NOXRED1: variants seen among roughly 807,000 people sequenced by gnomAD.
The protein encoded by NOXRED1 is NADP dependent oxidoreductase domain containing 1, also known as NADP-dependent oxidoreductase domain-containing protein 1.
A neutral mutation model predicts 30.4 loss-of-function variants in NOXRED1; 20 were observed. The ratio of observed to expected loss-of-function variants is 0.66; its 90% confidence interval spans 0.46 to 0.96. NOXRED1 has a LOEUF of 0.96. Among genes scored for constraint, NOXRED1 ranks in the 40% least tolerant of loss-of-function variants. The probability of loss-of-function intolerance (pLI) is 0.00; values close to 1 mark genes in which losing one functional copy is unlikely to be tolerated. For missense variants in NOXRED1, 374 were observed against 428.0 expected (o/e 0.87, Z 1.11); for synonymous variants, 155 against 168.0 (o/e 0.92, Z 0.60).
chr14:77,424,840 G>C (rs1000003882), upstream of NOXRED1, among the ~76,000 whole-genome samples: 7 of 152,216 alleles, frequency 4.6e-5, no homozygotes, highest in Admixed American at 4.6e-4. Context: ...TTCTATGCAA[G>C]ATCAGGAGGG....
At chr14:77,401,830 G>T (rs917236880) in intron 5 of NOXRED1, among the ~76,000 whole-genome samples, 1 of 152,196 alleles carries the variant, frequency 6.6e-6, no homozygotes, top group Non-Finnish European at 1.5e-5. Flanking sequence ...TGCAGTATTG[G>T]TGAAAGACAA....
At chr14:77,418,634 A>G (rs1894900003) in intron 1 of NOXRED1, among the ~76,000 whole-genome samples, 1 of 151,946 alleles carries the variant, frequency 6.6e-6, no homozygotes, top group African/African-American at 2.4e-5. Context: ...GGCTCAAGCA[A>G]TCCTCCCACA....
chr14:77,398,516 TC>T (rs1894243248), intron 5 of NOXRED1, among the ~76,000 whole-genome samples: 1 of 151,922 alleles, frequency 6.6e-6, no homozygotes, highest in African/African-American at 2.4e-5. Context: ...GCTCCTCAAC[TC>T]CAGCCCACTT....
intron 2 of NOXRED1, among the ~76,000 whole-genome samples, chr14:77,412,856 T>TA (rs200974524): frequency 2.0e-4 from 29 of 147,502 alleles, no homozygotes; most frequent in East Asian, 6.0e-4. Context: ...ATACATTATG[T>TA]AAAAAAAAAC....
Position 77,414,106 on chromosome 14 carries a change from T to C in NOXRED1, c.177A>G (p.Gln59=). The C allele has an allele frequency of 6.3e-7, 1 of 1,596,072 alleles. No homozygotes were observed. Residue 59 remains glutamine (Q), a synonymous_variant, in exon 2 of 6, where the codon CAA becomes CAG. Coordinates refer to ENST00000380835, the MANE Select transcript of NOXRED1 (RefSeq NM_001113475.3). ...AGCCAATTGAGAGATGTCTGGAACT[T>C]TGATTCTTATTTAATGATGCTCTGG... ...YNLRASLNKN[Q]SSRHLSIGSL...
intron 5 of NOXRED1, among the ~76,000 whole-genome samples, chr14:77,404,982 C>T (rs368622601): frequency 1.2e-4 from 18 of 152,006 alleles, no homozygotes; most frequent in East Asian, 1.2e-3. Flanking sequence ...AAACAAGTAC[C>T]ACATTTTTTA....
At chr14:77,424,768 ACTGCAATTTCCAGAATGTCCTTCC>A (rs897839300), upstream of NOXRED1, among the ~76,000 whole-genome samples, 1 of 152,214 alleles carries the variant, frequency 6.6e-6, no homozygotes, top group Non-Finnish European at 1.5e-5. Flanking sequence ...GCTAGGCTGA[ACTGCAATTTCCAGAATGTCCTTCC>A]CTGTATGTTT....
intron 1 of NOXRED1, among the ~76,000 whole-genome samples, chr14:77,422,446 T>C (rs1594884065): frequency 6.6e-6 from 1 of 152,326 alleles, no homozygotes; most frequent in Middle Eastern, 3.4e-3. Context: ...GAGGGCAAGC[T>C]GGTGGTCATG....
At position 77,406,623 on chromosome 14, in the gene NOXRED1, A is replaced by ACACACC. The variant is rs1555362862; in HGVS notation, c.682+100_682+101insGGTGTG. ...CACACACACACACACACACACACAC[A>ACACACC]CACACACACACAGAGAGAGAGAGAT... On this transcript the variant is annotated intron_variant, in intron 4 of 5. Transcript: ENST00000380835. 2.2e-4 allele frequency: 140 copies of ACACACC among 630,542 alleles called. 1 individual carries two copies. In the African/African-American group the frequency reaches 3.1e-3, roughly 14 times the overall value. The allele number at this position is 630,542 out of a possible 1,614,324, so 39.1% of individuals were successfully genotyped here.
chr14:77,407,368 T>C (rs1894495913), intron 3 of NOXRED1, 97 bp downstream of exon 3: 1 of 859,708 alleles, frequency 1.2e-6, no homozygotes, highest in Non-Finnish European at 1.9e-6. Context: ...AACAACCAAC[T>C]CTAAGAGATA....
chr14:77,396,294 G>A (rs1365567757), intron 5 of NOXRED1, among the ~76,000 whole-genome samples: 5 of 135,802 alleles, frequency 3.7e-5, no homozygotes, highest in Admixed American at 1.6e-4. Context: ...TTGTTGCCCA[G>A]GCTGCAGTGC....
At chr14:77,407,394 G>A (rs1594873209) in intron 3 of NOXRED1, 71 bp downstream of exon 3, 2 of 1,098,700 alleles carry the variant, frequency 1.8e-6, no homozygotes, top group East Asian at 2.4e-5. Context: ...TACAGTGGAG[G>A]TGGGAGGCAG....
Position 77,406,773 on chromosome 14 carries a change from AG to A in NOXRED1, c.632del (p.Ala211ValfsTer20), listed in dbSNP as rs1233941401. The A allele has an allele frequency of 3.7e-6, 6 of 1,614,048 alleles. No individual in the cohort carries two copies. Among genetic ancestry groups the A allele is most frequent in the Non-Finnish European group, 3.4e-6 (4 of 1,179,894 alleles). On this transcript the variant is annotated frameshift_variant, in exon 4 of 6. Coordinates refer to ENST00000380835, the MANE Select transcript of NOXRED1 (RefSeq NM_001113475.3). LOFTEE classifies it high-confidence loss of function. ...VWGANKGVIA[A>X]LQDPTILQAT... ...CTTGAAGAATCGTAGGATCTTGGAG[AG>A]CAGCTATGACTCCCTTATTGGCCCC...
In NOXRED1 at chr14:77,414,092, A is replaced by G. The variant is rs757228741; in HGVS notation, c.191T>C (p.Leu64Pro). Residue 64 changes from leucine (L) to proline (P), a missense_variant, in exon 2 of 6, where the codon CTC becomes CCC. Leu to Pro is a moderately conservative substitution (Grantham distance 98). Transcript: ENST00000380835. ...GGCTGAATTAAGGGAGCCAATTGAGAGATGTCTGGAACTTTGATTCTTATT... is the reference window on the plus strand; with the variant it reads ...GGCTGAATTAAGGGAGCCAATTGAGGGATGTCTGGAACTTTGATTCTTATT... ...SLNKNQSSRH[L>P]SIGSLNSATP... The G allele has an allele frequency of 6.2e-6, 10 of 1,603,484 alleles. No homozygotes were observed. Among genetic ancestry groups the G allele is most frequent in the East Asian group, 2.2e-5 (1 of 44,502 alleles).
chr14:77,405,958 G>A lies in NOXRED1; in HGVS notation c.860C>T (p.Thr287Ile). 6.2e-7 allele frequency: 1 copy of A among 1,613,726 alleles called. No individual in the cohort carries two copies. Among genetic ancestry groups the A allele is most frequent in the South Asian group, 1.1e-5 (1 of 91,064 alleles). ...DTASCPKLQL[T>I]DFVSKAYGKN... is the part of the protein sequence containing the mutation. The stretch of plus-strand genomic sequence containing the variant: ...GCCATAGGCTTTGCTGACAAAATCT[G>A]TTAATTGCAACTTTGGGCAAGATGC... Residue 287 changes from threonine to isoleucine, a missense_variant, in exon 5 of 6, where the codon ACA becomes ATA. Transcript: ENST00000380835.
In NOXRED1 at chr14:77,394,720, C is replaced by A; in HGVS notation, c.991G>T (p.Asp331Tyr). The change falls in exon 6 of 6, where the codon GAC becomes TAC. Residue 331 changes from aspartate to tyrosine, a missense_variant. Physicochemically the swap from Asp to Tyr is radical, Grantham distance 160 (BLOSUM62 -3). Coordinates refer to ENST00000380835, the MANE Select transcript of NOXRED1 (RefSeq NM_001113475.3). Reference sequence around the variant, plus strand: ...GCACAGTATAGATGGGTAAGGTGGTCTTGGAGAACAGGACTACTTGAGAGA... The same window carrying A: ...GCACAGTATAGATGGGTAAGGTGGTATTGGAGAACAGGACTACTTGAGAGA... ...QHLSSSPVLQ[D>Y]HLTHLYCASF... 6.2e-7 allele frequency: 1 copy of A among 1,613,262 alleles called. No individual in the cohort carries two copies. The highest frequency in any genetic ancestry group is 1.1e-5 in the South Asian group (1 of 91,072).
chr14:77,404,286 C>T (rs751565069), intron 5 of NOXRED1, among the ~76,000 whole-genome samples: 23 of 152,108 alleles, frequency 1.5e-4, no homozygotes, highest in Admixed American at 1.2e-3. Context: ...CCAAACCAAA[C>T]GTGAATCACA....
chr14:77,407,309 GCTAA>G (rs1894494509), intron 3 of NOXRED1, among the ~76,000 whole-genome samples, 152 bp downstream of exon 3: 1 of 152,168 alleles, frequency 6.6e-6, no homozygotes, highest in Non-Finnish European at 1.5e-5. Context: ...AGAAAGATTG[GCTAA>G]CTATGTTCTT....
At chr14:77,405,852 A>G (rs1894442754) in intron 5 of NOXRED1, 61 bp downstream of exon 5, 2 of 971,360 alleles carry the variant, frequency 2.1e-6, no homozygotes, top group African/African-American at 1.6e-5. Context: ...AAAGAAAAAA[A>G]GCATTAACTA....
Sources: allele counts gnomAD v4.1 joint callset (sites outside exome capture counted in the v4.1 genomes callset), GRCh38; gene constraint gnomAD v4.1.1; transcripts MANE v1.5; gene names NCBI Gene and HGNC (gene_info 2026-07-23, HGNC 2026-07-21).